IL3RA: variants seen among roughly 807,000 people sequenced by gnomAD.
IL3RA encodes interleukin 3 receptor subunit alpha.
In IL3RA, 73 loss-of-function variants were observed where a neutral mutation model predicts 52.3. That is an observed-to-expected ratio of 1.40 (90% CI 1.16 to 1.70). The LOEUF is 1.70. IL3RA is among the 40% of genes most tolerant of loss of function. The pLI is 0.00. For missense variants in IL3RA, 664 were observed against 504.4 expected, an observed-to-expected ratio of 1.32 and a Z score of -3.03; for synonymous variants, 260 against 194.0, an observed-to-expected ratio of 1.34 and a Z score of -2.83.
intron 4 of IL3RA, among the ~76,000 whole-genome samples, chrX:1,350,821 C>T (rs1235518640): frequency 6.6e-6 from 1 of 151,228 alleles, no homozygotes; most frequent in African/African-American, 2.4e-5. Context: ...ATCACTTGAA[C>T]CTGGGAGGCG....
At chrX:1,348,658 C>CTTTCTT (rs1569520687) in intron 4 of IL3RA, 113 bp downstream of exon 4, 2 of 428,368 alleles carry the variant, frequency 4.7e-6, no homozygotes, top group Non-Finnish European at 8.0e-6. Context: ...TTCTTTCTTT[C>CTTTCTT]TTTCTTTCTT....
At chrX:1,348,820 CCTT>C (rs1226007863) in intron 4 of IL3RA, among the ~76,000 whole-genome samples, 2 of 144,354 alleles carry the variant, frequency 1.4e-5, no homozygotes, top group African/African-American at 5.3e-5. Context: ...TTCCCTCCCT[CCTT>C]CTCTCCTTTT....
chrX:1,368,378 A>G (rs1260373569), intron 9 of IL3RA, among the ~76,000 whole-genome samples: 2 of 152,052 alleles, frequency 1.3e-5, no homozygotes, highest in Non-Finnish European at 2.9e-5. Context: ...TGAGGTCAGG[A>G]GTTCGAGACC....
intron 8 of IL3RA, among the ~76,000 whole-genome samples, chrX:1,359,822 C>G (rs1172013350): frequency 6.7e-6 from 1 of 150,212 alleles, no homozygotes; most frequent in Admixed American, 6.7e-5. Context: ...CTCTCTCTCT[C>G]TCTCTCCTGG....
chrX:1,362,708 A>G (rs1267516406), intron 8 of IL3RA, among the ~76,000 whole-genome samples: 4 of 152,016 alleles, frequency 2.6e-5, no homozygotes, highest in Admixed American at 6.6e-5. Context: ...GCTTGTGGCC[A>G]TATCACTCCA....
rs1396157341 is a variant in IL3RA at position 1,370,187 on chromosome X, G to C, written c.874+4935G>C. On this transcript the variant is annotated intron_variant, in intron 9 of 11. Transcript: ENST00000331035. Reference sequence around the variant, plus strand: ...CAGCACTGCCCACACCTGGATCTCAGACCTCCAGCCTCCAGGGCTGTGGGA... The same window carrying C: ...CAGCACTGCCCACACCTGGATCTCACACCTCCAGCCTCCAGGGCTGTGGGA... Among the ~76,000 whole-genome samples, 2 of 42,566 alleles carry C rather than the reference G, an allele frequency of 4.7e-5. 1 individual carries two copies. The highest frequency in any genetic ancestry group is 7.3e-5 in the Non-Finnish European group (2 of 27,280). 27.9% of individuals were successfully genotyped at this position (42,566 alleles called of 152,430 possible). A position where few individuals can be genotyped will look rare whatever the true frequency, so the allele number is the denominator to read the frequency against.
chrX:1,379,966 G>A (rs1173371583), intron 10 of IL3RA, among the ~76,000 whole-genome samples: 1 of 152,088 alleles, frequency 6.6e-6, no homozygotes, highest in African/African-American at 2.4e-5. Context: ...CTCCGTGTTG[G>A]TCAGGCTGGT....
At chrX:1,350,836 T>C (rs756045603) in intron 4 of IL3RA, among the ~76,000 whole-genome samples, 1 of 150,966 alleles carries the variant, frequency 6.6e-6, no homozygotes, top group Non-Finnish European at 1.5e-5. Context: ...GAGGCGGAGG[T>C]TGTGGTGAGC....
chrX:1,365,463 C>A (rs867425246), intron 9 of IL3RA, among the ~76,000 whole-genome samples: 29 of 14,908 alleles, frequency 1.9e-3, no homozygotes, highest in African/African-American at 0.016. Context: ...GAGCGGGGTG[C>A]GCGGGGTGAG....
In IL3RA at chrX:1,345,454, G is replaced by A. The variant is rs187651045; in HGVS notation, c.183+20G>A. The A allele has an allele frequency of 4.4e-4, 619 of 1,403,490 alleles. 5 individuals are homozygous for A. The highest frequency in any genetic ancestry group is 1.6e-3 in the African/African-American group (111 of 68,044). 86.9% of individuals were successfully genotyped at this position (1,403,490 alleles called of 1,614,324 possible). A position where few individuals can be genotyped will look rare whatever the true frequency, so the allele number is the denominator to read the frequency against. ...ATGCCGGTAAATCATACTCTCTATT[G>A]TTTTTTTATTTTTATTTTATTTATT... On this transcript the variant is annotated intron_variant, in intron 3 of 11. Transcript: ENST00000331035.
intron 8 of IL3RA, among the ~76,000 whole-genome samples, chrX:1,362,430 C>G (rs1408066703): frequency 6.6e-6 from 1 of 151,716 alleles, no homozygotes; most frequent in African/African-American, 2.4e-5. Flanking sequence ...TCTCCCTTCT[C>G]TGTGTCTCTT....
chrX:1,354,118 C>G (rs1235559173), intron 6 of IL3RA, among the ~76,000 whole-genome samples: 2 of 150,868 alleles, frequency 1.3e-5, no homozygotes, highest in Non-Finnish European at 3.0e-5. Context: ...GTCATGGGTC[C>G]CATCATGGGT....
intron 4 of IL3RA, 99 bp downstream of exon 4, chrX:1,348,644 C>CTTTTTCTTT (rs1355205373): frequency 2.0e-6 from 1 of 493,092 alleles, no homozygotes; most frequent in Admixed American, 3.6e-5. Context: ...TTTTCTTTTT[C>CTTTTTCTTT]TCTTTCTTTC....
At chrX:1,339,637 G>C (rs138461463) in intron 1 of IL3RA, among the ~76,000 whole-genome samples, 1,657 of 152,050 alleles carry the variant, frequency 0.011, 36 homozygotes, top group African/African-American at 0.038. Context: ...ACTAAAAATA[G>C]AAAAATTAGC....
Position 1,382,479 on chromosome X carries a change from G to A in IL3RA, c.*14G>A. ...CAGAAAACTTGAGACTGGGGTTCAG[G>A]GCTTGTGGGGGTCTGCCTCAATCTC... On this transcript the variant is annotated 3_prime_UTR_variant, in exon 12 of 12. Coordinates refer to ENST00000331035, the MANE Select transcript of IL3RA (RefSeq NM_002183.4). The A allele has an allele frequency of 6.2e-7, 1 of 1,612,260 alleles. No individual in the cohort carries two copies. The highest frequency in any genetic ancestry group is 8.5e-7 in the Non-Finnish European group (1 of 1,178,598).
At chrX:1,341,636 G>C (rs2085501409) in intron 1 of IL3RA, 92 bp from the exon 2 acceptor site, 1 of 933,084 alleles carries the variant, frequency 1.1e-6, no homozygotes, top group African/African-American at 1.6e-5. Context: ...TCTGCTGTGA[G>C]CACCAGGCTC....
At chrX:1,359,704 ATC>A (rs1311880839) in intron 8 of IL3RA, among the ~76,000 whole-genome samples, 1 of 79,550 alleles carries the variant, frequency 1.3e-5, no homozygotes, top group Non-Finnish European at 2.6e-5. Context: ...TTCTCCCTCC[ATC>A]TCTCTCTCCC....
At chrX:1,345,002 A>G (rs1343008975) in intron 2 of IL3RA, among the ~76,000 whole-genome samples, 2 of 82,660 alleles carry the variant, frequency 2.4e-5, no homozygotes, top group Admixed American at 1.3e-4. Context: ...CTCTACTAAA[A>G]ATACAAAAAA....
rs1363001449 is a variant in IL3RA at position 1,348,458 on chromosome X, G to A, written c.211G>A (p.Gly71Arg). The change falls in exon 4 of 12, where the codon GGA becomes AGA. Residue 71 changes from glycine to arginine, a missense_variant. Transcript: ENST00000331035. The part of the protein sequence containing the change: ...PAVNNSYCQF[G>R]AISLCEVTNY... Reference sequence around the variant, plus strand: ...AGTGAACAATAGCTATTGCCAGTTTGGAGCAATTTCCTTATGTGAAGTGAC... The same window carrying A: ...AGTGAACAATAGCTATTGCCAGTTTAGAGCAATTTCCTTATGTGAAGTGAC... 1.9e-6 allele frequency: 3 copies of A among 1,613,684 alleles called. No homozygotes were observed. Among genetic ancestry groups the A allele is most frequent in the Non-Finnish European group, 2.5e-6 (3 of 1,179,778 alleles).
Sources: gnomAD v4.1 joint callset for allele counts (sites outside exome capture counted in the v4.1 genomes callset) on GRCh38, gnomAD v4.1.1 for gene constraint, MANE v1.5 for transcripts, NCBI Gene and HGNC (gene_info 2026-07-23, HGNC 2026-07-21) for gene names.